The following COL14A1 variants were observed in gnomAD, a reference collection of about 807,000 sequenced individuals.
COL14A1 encodes the protein collagen alpha-1(XIV) chain.
In COL14A1, 136 loss-of-function variants were observed where a neutral mutation model predicts 230.3. The ratio of observed to expected loss-of-function variants is 0.59; its 90% CI spans 0.51 to 0.68. The LOEUF (loss-of-function observed/expected upper bound fraction) is 0.68, where lower values mean the gene tolerates loss of function less well. Ranked by LOEUF, COL14A1 falls within the 30% of genes least tolerant of loss-of-function variation. COL14A1 has a pLI of 0.00. For synonymous variants in COL14A1, 792 were observed against 784.1 expected (o/e 1.01, Z -0.17); for missense variants, 1,976 against 2,215.8 (o/e 0.89, Z 2.17).
In COL14A1 at chr8:120,199,492, A is replaced by G. The variant is rs151131906; in HGVS notation, c.803A>G (p.Asp268Gly). The G allele has an allele frequency of 3.1e-6, 5 of 1,613,040 alleles. No individual in the cohort carries two copies. The highest frequency in any genetic ancestry group is 4.2e-6 in the Non-Finnish European group (5 of 1,179,626). The change falls in exon 8 of 48, where the codon GAT becomes GGT. Residue 268 changes from aspartate (D) to glycine (G), a missense_variant. This residue lies in a region of COL14A1 where 1,791 missense variants were observed against 2,019.5 expected (regional missense o/e 0.89). Coordinates refer to ENST00000297848, the MANE Select transcript of COL14A1 (RefSeq NM_021110.4). ...GVSKIGILIT[D>G]GKSQDDIIPP... ...TCCAAAATTGGCATTTTAATCACAGATGGAAAATCCCAAGATGACATTATT... is the reference window on the plus strand; with the variant it reads ...TCCAAAATTGGCATTTTAATCACAGGTGGAAAATCCCAAGATGACATTATT...
At chr8:120,288,537 C>A (rs1023431834) in intron 33 of COL14A1, among the ~76,000 whole-genome samples, 1 of 152,170 alleles carries the variant, frequency 6.6e-6, no homozygotes, top group African/African-American at 2.4e-5. Context: ...CTGCTAGCTA[C>A]TATAACTCCC....
chr8:120,290,577 A>C (rs113669198), intron 34 of COL14A1, among the ~76,000 whole-genome samples: 1 of 152,250 alleles, frequency 6.6e-6, no homozygotes. Flanking sequence ...ATGAATTACT[A>C]TTGTCTCCCA....
intron 45 of COL14A1, among the ~76,000 whole-genome samples, chr8:120,360,056 T>C (rs374072787): frequency 2.5e-4 from 38 of 152,322 alleles, no homozygotes; most frequent in African/African-American, 9.1e-4. Context: ...AAGTGCTAAC[T>C]CCTTTGCCTT....
At chr8:120,276,864 A>C (rs1257938671) in intron 26 of COL14A1, among the ~76,000 whole-genome samples, 4 of 151,938 alleles carry the variant, frequency 2.6e-5, no homozygotes, top group Admixed American at 6.6e-5. Context: ...AAATTAGGTT[A>C]TTAAAAAAGA....
At chr8:120,351,283 C>A (rs1235292701) in intron 45 of COL14A1, among the ~76,000 whole-genome samples, 1 of 143,678 alleles carries the variant, frequency 7.0e-6, no homozygotes, top group African/African-American at 2.6e-5. Context: ...CAAGAGAAAG[C>A]AGGAAAGATC....
chr8:120,226,938 G>A (rs976805422), intron 16 of COL14A1, among the ~76,000 whole-genome samples, 172 bp downstream of exon 16: 3 of 152,138 alleles, frequency 2.0e-5, no homozygotes, highest in Non-Finnish European at 4.4e-5. Flanking sequence ...ATATTATGAT[G>A]TATTGTTGCC....
intron 5 of COL14A1, among the ~76,000 whole-genome samples, chr8:120,187,813 G>A (rs1281758336): frequency 6.6e-6 from 1 of 152,212 alleles, no homozygotes; most frequent in African/African-American, 2.4e-5. Flanking sequence ...TATGTAACAA[G>A]CTTTTCCCCC....
intron 5 of COL14A1, among the ~76,000 whole-genome samples, chr8:120,186,823 C>G (rs1311595663): frequency 1.3e-5 from 2 of 152,150 alleles, no homozygotes; most frequent in African/African-American, 2.4e-5. Flanking sequence ...TACTGTATGT[C>G]AAGAGATGAC....
intron 26 of COL14A1, among the ~76,000 whole-genome samples, chr8:120,272,128 A>G (rs1449433020): frequency 6.6e-6 from 1 of 151,736 alleles, no homozygotes; most frequent in Non-Finnish European, 1.5e-5. Context: ...AGGAGAGATT[A>G]GGGTCCTATT....
intron 45 of COL14A1, among the ~76,000 whole-genome samples, chr8:120,365,607 T>A (rs1823383578): frequency 6.6e-6 from 1 of 152,224 alleles, no homozygotes; most frequent in Admixed American, 6.5e-5. Flanking sequence ...ACAACTTGAT[T>A]AGCAATTGAG....
chr8:120,134,028 A>G (rs538923589), intron 1 of COL14A1, among the ~76,000 whole-genome samples: 6 of 152,212 alleles, frequency 3.9e-5, no homozygotes, highest in African/African-American at 1.4e-4. Flanking sequence ...ATATGTATAT[A>G]ATATGTAGAA....
chr8:120,209,737 A>G lies in COL14A1; in HGVS notation c.1322-19A>G, dbSNP rs752996973. On this transcript the variant is annotated intron_variant, in intron 11 of 47. Coordinates refer to ENST00000297848, the MANE Select transcript of COL14A1 (RefSeq NM_021110.4). ...CACATATATAAGTGGCTCAACATTT[A>G]AAAAAAAATCTCTTGCAGTTGCTTT... 1.3e-6 allele frequency: 2 copies of G among 1,522,030 alleles called. No homozygotes were observed. The highest frequency in any genetic ancestry group is 1.8e-6 in the Non-Finnish European group (2 of 1,128,410). 94.3% of individuals were successfully genotyped at this position (1,522,030 alleles called of 1,614,324 possible). A position where few individuals can be genotyped will look rare whatever the true frequency, so the allele number is the denominator to read the frequency against.
rs2305605 is a variant in COL14A1 at position 120,247,623 on chromosome 8, G to A, written c.2490G>A (p.Ser830=). ...TTCTTTTCTACTCAGTACCATCCTCGGGGCCCCAGAACTTGCGGGTGTCCG... is the reference window on the plus strand; with the variant it reads ...TTCTTTTCTACTCAGTACCATCCTCAGGGCCCCAGAACTTGCGGGTGTCCG... ...VSAPGKTLPS[S]GPQNLRVSEE... Residue 830 remains serine, a synonymous_variant, in exon 21 of 48, where the codon TCG becomes TCA. Coordinates refer to ENST00000297848, the MANE Select transcript of COL14A1 (RefSeq NM_021110.4). 93,834 of 1,613,598 alleles carry A rather than the reference G, an allele frequency of 0.058. 7,670 individuals carry two copies. The highest frequency in any genetic ancestry group is 0.39 in the East Asian group (17,332 of 44,852).
intron 1 of COL14A1, among the ~76,000 whole-genome samples, chr8:120,126,231 G>A (rs1814331718): frequency 6.6e-6 from 1 of 152,228 alleles, no homozygotes; most frequent in South Asian, 2.1e-4. Flanking sequence ...CAGTGGCCTC[G>A]GTCCTAGGGC....
At chr8:120,153,575 A>G (rs957920927) in intron 2 of COL14A1, among the ~76,000 whole-genome samples, 1 of 152,216 alleles carries the variant, frequency 6.6e-6, no homozygotes, top group Admixed American at 6.5e-5. Flanking sequence ...AAAAATAAAT[A>G]TAATTGGTTG....
At chr8:120,357,163 G>A (rs781626122) in intron 45 of COL14A1, among the ~76,000 whole-genome samples, 1 of 152,152 alleles carries the variant, frequency 6.6e-6, no homozygotes, top group Non-Finnish European at 1.5e-5. Flanking sequence ...TGAGTTTTAC[G>A]TGGGTCCTGT....
intron 5 of COL14A1, among the ~76,000 whole-genome samples, chr8:120,182,024 A>G (rs930243146): frequency 1.3e-5 from 2 of 151,926 alleles, no homozygotes; most frequent in African/African-American, 4.8e-5. Context: ...CTAGCGTTAG[A>G]CCTCCAGTTT....
chr8:120,289,828 A>G (rs1250106213), intron 34 of COL14A1, 62 bp downstream of exon 34: 6 of 1,510,234 alleles, frequency 4.0e-6, no homozygotes, highest in Non-Finnish European at 5.4e-6. Context: ...TTTAAAGTAC[A>G]TTAGCTATTT....
At chr8:120,355,601 C>T (rs770031560) in intron 45 of COL14A1, among the ~76,000 whole-genome samples, 15 of 151,800 alleles carry the variant, frequency 9.9e-5, no homozygotes, top group Admixed American at 3.9e-4. Context: ...TTAGTAGAGA[C>T]GGGGTTTCAC....
Sources: allele counts gnomAD v4.1 joint callset (sites outside exome capture counted in the v4.1 genomes callset), GRCh38; gene constraint gnomAD v4.1.1; regional missense constraint gnomAD v4.1.1; transcripts MANE v1.5; gene names NCBI Gene and HGNC (gene_info 2026-07-23, HGNC 2026-07-21).